The following OR11G2 variants were observed in gnomAD, a reference collection of about 807,000 sequenced individuals.
OR11G2 encodes olfactory receptor 11G2.
OR11G2 carries 2 observed loss-of-function variants against 0.9 expected under a neutral mutation model. The observed-to-expected ratio is 2.35, with a 90% CI of 0.96 to 7.38. The LOEUF (loss-of-function observed/expected upper bound fraction) is 7.38. Ranked by LOEUF, OR11G2 falls within the 30% of genes most tolerant of loss-of-function variation. The pLI is 0.05. For missense variants in OR11G2, 395 were observed against 371.3 expected (o/e 1.06, Z -0.52); for synonymous variants, 153 against 142.0 (o/e 1.08, Z -0.55).
rs1160775186 is a variant in OR11G2, at chr14:20,200,774, CTATGG to C, written c.*2403_*2407del. ...ATTAATAGAAGACTAGTAAAATGAG[CTATGG>C]TGAGTTATACCATGGAATATTATGT... On this transcript the variant is annotated 3_prime_UTR_variant, in exon 2 of 2. Coordinates refer to ENST00000641879, the MANE Select transcript of OR11G2 (RefSeq NM_001386033.1). 2 of 152,142 alleles carry C rather than the reference CTATGG, an allele frequency of 1.3e-5. No homozygotes were observed. Among genetic ancestry groups the C allele is most frequent in the Non-Finnish European group, 2.9e-5 (2 of 68,042 alleles). The allele number at this position is 152,142 out of a possible 1,614,324, so 9.4% of individuals were successfully genotyped here.
At chr14:20,193,163 G>A (rs1879688831) in intron 1 of OR11G2, among the ~76,000 whole-genome samples, 2 of 152,284 alleles carry the variant, frequency 1.3e-5, no homozygotes, top group Admixed American at 6.5e-5. Context: ...TGTTGCCAAG[G>A]CTGGAGTGCA....
intron 1 of OR11G2, among the ~76,000 whole-genome samples, chr14:20,194,325 G>A (rs1879710610): frequency 6.6e-6 from 1 of 152,172 alleles, no homozygotes; most frequent in Non-Finnish European, 1.5e-5. Flanking sequence ...GTCCAGGGGA[G>A]AAAAGAGAAT....
Position 20,198,436 on chromosome 14 carries a change from A to C in OR11G2, c.*63A>C. On this transcript the variant is annotated 3_prime_UTR_variant, in exon 2 of 2. Coordinates refer to ENST00000641879, the MANE Select transcript of OR11G2 (RefSeq NM_001386033.1). ...TCTTTAATTTTGGGGTTTAAAAAAAAAACTGGTCTTGGCCAGGCGCGGTGG... is the reference window on the plus strand; with the variant it reads ...TCTTTAATTTTGGGGTTTAAAAAAACAACTGGTCTTGGCCAGGCGCGGTGG... 2.3e-6 allele frequency: 3 copies of C among 1,302,676 alleles called. No homozygotes were observed. Among genetic ancestry groups the C allele is most frequent in the Non-Finnish European group, 3.2e-6 (3 of 944,344 alleles). 80.7% of individuals were successfully genotyped at this position (1,302,676 alleles called of 1,614,324 possible).
At position 20,200,907 on chromosome 14, in the gene OR11G2, G is replaced by T. The variant is rs1412034562; in HGVS notation, c.*2534G>T. 1 of 152,194 alleles carries T rather than the reference G, an allele frequency of 6.6e-6. No homozygotes were observed. The highest frequency in any genetic ancestry group is 1.5e-5 in the Non-Finnish European group (1 of 68,048). 9.4% of individuals were successfully genotyped at this position (152,194 alleles called of 1,614,324 possible). A position where few individuals can be genotyped will look rare whatever the true frequency, so the allele number is the denominator to read the frequency against. On this transcript the variant is annotated 3_prime_UTR_variant, in exon 2 of 2. Transcript: ENST00000641879. ...AGCAAAGTGAATAGCAGAGTGTATTGTAGCTGCCTTCCATGGAAATGTGTA... is the reference window on the plus strand; with the variant it reads ...AGCAAAGTGAATAGCAGAGTGTATTTTAGCTGCCTTCCATGGAAATGTGTA...
chr14:20,195,920 AGTT>A (rs1363585593), intron 1 of OR11G2, among the ~76,000 whole-genome samples: 6 of 152,228 alleles, frequency 3.9e-5, no homozygotes, highest in Non-Finnish European at 5.9e-5. Context: ...TGTGGTTAGA[AGTT>A]AGGCTTACAT....
Position 20,198,265 on chromosome 14 carries a change from G to A in OR11G2, c.828G>A (p.Lys276=), listed in dbSNP as rs1327368167. 2 of 1,613,726 alleles carry A rather than the reference G, an allele frequency of 1.2e-6. No individual in the cohort carries two copies. The highest frequency in any genetic ancestry group is 1.7e-6 in the Non-Finnish European group (2 of 1,179,638). The change falls in exon 2 of 2, where the codon AAG becomes AAA. Residue 276 remains lysine (K), a synonymous_variant. Coordinates refer to ENST00000641879, the MANE Select transcript of OR11G2 (RefSeq NM_001386033.1). ...PPSKNEAGKQ[K]TVTLFYSVVT... is the part of the protein sequence containing the mutation. Reference sequence around the variant, plus strand: ...CTAAGAATGAAGCTGGAAAGCAGAAGACTGTGACTCTGTTTTATTCTGTTG... The same window carrying A: ...CTAAGAATGAAGCTGGAAAGCAGAAAACTGTGACTCTGTTTTATTCTGTTG...
intron 1 of OR11G2, among the ~76,000 whole-genome samples, chr14:20,192,069 T>C (rs751775419): frequency 6.6e-6 from 1 of 152,092 alleles, no homozygotes; most frequent in Non-Finnish European, 1.5e-5. Context: ...ATTTTTGTAG[T>C]ATTAGTAAAA....
Position 20,198,592 on chromosome 14 carries a change from G to A in OR11G2, c.*219G>A, listed in dbSNP as rs535563793. ...AAAATACAAAAAATTAGCCGGGCGT[G>A]GTGGCGGACGCCTGTAGTCCCAGCT... On this transcript the variant is annotated 3_prime_UTR_variant, in exon 2 of 2. Transcript: ENST00000641879. 1.0e-5 allele frequency: 3 copies of A among 297,778 alleles called. No individual in the cohort carries two copies. Among genetic ancestry groups the A allele is most frequent in the Admixed American group, 4.8e-5 (1 of 20,868 alleles). 18.4% of individuals were successfully genotyped at this position (297,778 alleles called of 1,614,324 possible). A position where few individuals can be genotyped will look rare whatever the true frequency, so the allele number is the denominator to read the frequency against.
chr14:20,196,099 G>A (rs1953554), intron 1 of OR11G2, among the ~76,000 whole-genome samples: 47,208 of 152,072 alleles, frequency 0.31, 7,502 homozygotes, highest in East Asian at 0.43. Context: ...TTCCTCTGGT[G>A]CCATCTCCAG....
chr14:20,197,983 A>T lies in OR11G2; in HGVS notation c.546A>T (p.Leu182=). The change falls in exon 2 of 2, where the codon CTA becomes CTT. Residue 182 remains leucine, a synonymous_variant. Transcript: ENST00000641879. The part of the protein sequence containing the change: ...FCGSRIIDHF[L]CDPAPLLTLT... Reference sequence around the variant, plus strand: ...GATCTAGGATTATTGACCACTTCCTATGTGACCCAGCTCCTCTTCTAACTC... The same window carrying T: ...GATCTAGGATTATTGACCACTTCCTTTGTGACCCAGCTCCTCTTCTAACTC... 2 of 1,611,582 alleles carry T rather than the reference A, an allele frequency of 1.2e-6. No individual in the cohort carries two copies. Among genetic ancestry groups the T allele is most frequent in the Non-Finnish European group, 8.5e-7 (1 of 1,179,550 alleles).
At chr14:20,194,661 A>C (rs1490039313) in intron 1 of OR11G2, among the ~76,000 whole-genome samples, 1 of 152,210 alleles carries the variant, frequency 6.6e-6, no homozygotes, top group Non-Finnish European at 1.5e-5. Context: ...ATTCCTCTGA[A>C]TTAGTACTAG....
chr14:20,198,407 C>T lies in OR11G2; in HGVS notation c.*34C>T, dbSNP rs374328879. 2.5e-5 allele frequency: 35 copies of T among 1,425,876 alleles called. No individual in the cohort carries two copies. Among genetic ancestry groups the T allele is most frequent in the Non-Finnish European group, 1.0e-5 (11 of 1,053,472 alleles). 88.3% of individuals were successfully genotyped at this position (1,425,876 alleles called of 1,614,324 possible). A position where few individuals can be genotyped will look rare whatever the true frequency, so the allele number is the denominator to read the frequency against. On this transcript the variant is annotated 3_prime_UTR_variant, in exon 2 of 2. Transcript: ENST00000641879. Reference sequence around the variant, plus strand: ...TCAAAAAGGTCCTTGCGTAATTAATCTTGTCTTTAATTTTGGGGTTTAAAA... The same window carrying T: ...TCAAAAAGGTCCTTGCGTAATTAATTTTGTCTTTAATTTTGGGGTTTAAAA...
rs1265769005 is a variant in OR11G2, at chr14:20,197,954, T to C, written c.517T>C (p.Cys173Arg). 6.2e-7 allele frequency: 1 copy of C among 1,614,178 alleles called. No homozygotes were observed. Among genetic ancestry groups the C allele is most frequent in the Non-Finnish European group, 8.5e-7 (1 of 1,180,026 alleles). The change falls in exon 2 of 2, where the codon TGT (cysteine) becomes CGT (arginine). Residue 173 changes from cysteine to arginine, a missense_variant. Coordinates refer to ENST00000641879, the MANE Select transcript of OR11G2 (RefSeq NM_001386033.1). ...PIVNISQMSF[C>R]GSRIIDHFLC... is the part of the protein sequence containing the mutation. The stretch of plus-strand genomic sequence containing the variant: ...CGTCAACATCTCCCAAATGTCCTTC[T>C]GTGGATCTAGGATTATTGACCACTT...
chr14:20,192,536 C>T (rs896743861), intron 1 of OR11G2, among the ~76,000 whole-genome samples: 7 of 152,134 alleles, frequency 4.6e-5, no homozygotes, highest in African/African-American at 7.2e-5. Context: ...CCAGAACATT[C>T]GATTTCCCAT....
chr14:20,198,425 G>A lies in OR11G2; in HGVS notation c.*52G>A, dbSNP rs1368531474. 5.8e-6 allele frequency: 8 copies of A among 1,379,766 alleles called. No homozygotes were observed. The East Asian group carries it at 1.8e-4, about 32-fold the overall frequency. The allele number at this position is 1,379,766 out of a possible 1,614,324, so 85.5% of individuals were successfully genotyped here. On this transcript the variant is annotated 3_prime_UTR_variant, in exon 2 of 2. Coordinates refer to ENST00000641879, the MANE Select transcript of OR11G2 (RefSeq NM_001386033.1). Reference sequence around the variant, plus strand: ...AATTAATCTTGTCTTTAATTTTGGGGTTTAAAAAAAAAACTGGTCTTGGCC... The same window carrying A: ...AATTAATCTTGTCTTTAATTTTGGGATTTAAAAAAAAAACTGGTCTTGGCC...
chr14:20,193,885 C>G (rs1011525769), intron 1 of OR11G2, among the ~76,000 whole-genome samples: 1 of 152,194 alleles, frequency 6.6e-6, no homozygotes, highest in African/African-American at 2.4e-5. Flanking sequence ...GTAGTCCAAA[C>G]GTGCACACCC....
Position 20,198,171 on chromosome 14 carries a change from G to A in OR11G2, c.734G>A (p.Cys245Tyr), listed in dbSNP as rs2139115352. 6.2e-7 allele frequency: 1 copy of A among 1,614,140 alleles called. No homozygotes were observed. The highest frequency in any genetic ancestry group is 8.5e-7 in the Non-Finnish European group (1 of 1,180,030). ...GGGAGAAGAAAGGCTTTCTCCACCT[G>A]TGGGTCTCACCTGGCTGTGGTTTCA... ...AAGRRKAFSTCGSHLAVVSLF... is the reference protein window; with the variant it reads ...AAGRRKAFSTYGSHLAVVSLF... Residue 245 changes from cysteine (C) to tyrosine (Y), a missense_variant, in exon 2 of 2, where the codon TGT becomes TAT. By Grantham distance (194) the Cys-to-Tyr change is radical (BLOSUM62 -2). Transcript: ENST00000641879.
chr14:20,195,746 G>A (rs537115758), intron 1 of OR11G2, among the ~76,000 whole-genome samples: 2 of 152,218 alleles, frequency 1.3e-5, no homozygotes, highest in Admixed American at 6.5e-5. Flanking sequence ...AGTAGACTCT[G>A]CAGGGGAGGA....
At chr14:20,193,993 G>A (rs2873831) in intron 1 of OR11G2, among the ~76,000 whole-genome samples, 145,338 of 152,220 alleles carry the variant, frequency 0.95, 69,460 homozygotes, top group Non-Finnish European at 0.97. Flanking sequence ...TATTTGCAGC[G>A]CTTGTGTTAG....
Sources: gnomAD v4.1 joint callset for allele counts (sites outside exome capture counted in the v4.1 genomes callset) on GRCh38, gnomAD v4.1.1 for gene constraint, MANE v1.5 for transcripts, NCBI Gene and HGNC (gene_info 2026-07-23, HGNC 2026-07-21) for gene names.